Variants in DDX24 observed in about 807,000 individuals in gnomAD.
The protein encoded by DDX24 is ATP-dependent RNA helicase DDX24.
A neutral mutation model predicts 68.9 loss-of-function variants in DDX24; 24 were observed. That is an observed-to-expected ratio of 0.35 (90% CI 0.25 to 0.49). The LOEUF is 0.49. Ranked by LOEUF, DDX24 falls within the 20% of genes least tolerant of loss-of-function variation. The pLI, the probability that DDX24 is intolerant of heterozygous loss-of-function variation, is 0.99. For missense variants in DDX24, 989 were observed against 1,039.0 expected, an observed-to-expected ratio of 0.95 and a Z score of 0.66; for synonymous variants, 395 against 385.2, an observed-to-expected ratio of 1.03 and a Z score of -0.30.
intron 2 of DDX24, among the ~76,000 whole-genome samples, chr14:94,069,407 G>A (rs10145229): frequency 0.021 from 3,232 of 152,208 alleles, 107 homozygotes; most frequent in African/African-American, 0.074. Flanking sequence ...AGAACCAGAC[G>A]GATTTGCAAC....
intron 2 of DDX24, among the ~76,000 whole-genome samples, chr14:94,069,358 T>G (rs1006447616): frequency 1.6e-4 from 25 of 152,034 alleles, no homozygotes; most frequent in African/African-American, 5.8e-4. Flanking sequence ...GCAGCAAGAT[T>G]GAAATGGTAA....
chr14:94,072,525 C>T (rs1319004538), intron 2 of DDX24, among the ~76,000 whole-genome samples: 1 of 152,118 alleles, frequency 6.6e-6, no homozygotes, highest in Non-Finnish European at 1.5e-5. Flanking sequence ...GATAGGTGCA[C>T]CAAAATCTCA....
chr14:94,062,563 C>T lies in DDX24; in HGVS notation c.777G>A (p.Gln259=), dbSNP rs772513222. 5 of 1,614,052 alleles carry T rather than the reference C, an allele frequency of 3.1e-6. No homozygotes were observed. In the South Asian group the frequency reaches 5.5e-5, roughly 18 times the overall value. Residue 259 remains glutamine (Q), a synonymous_variant, in exon 3 of 9, where the codon CAG becomes CAA. Transcript: ENST00000621632. The part of the protein sequence containing the change: ...IPMIHAVLQW[Q]KRNAAPPPSN... ...TTGGAGGAGGGGCAGCATTCCTCTT[C>T]TGCCACTGCAACACCGCATGAATCA...
chr14:94,078,175 G>A (rs1440603913), intron 2 of DDX24, among the ~76,000 whole-genome samples: 1 of 152,152 alleles, frequency 6.6e-6, no homozygotes, highest in Non-Finnish European at 1.5e-5. Context: ...ATATACAGGA[G>A]GATGTGCCTA....
At chr14:94,061,651 T>C (rs1055741477) in intron 3 of DDX24, among the ~76,000 whole-genome samples, 1 of 152,166 alleles carries the variant, frequency 6.6e-6, no homozygotes, top group Non-Finnish European at 1.5e-5. Flanking sequence ...CCTAATAGCT[T>C]AGAGCAGGGA....
chr14:94,060,023 T>G, intron 5 of DDX24, 75 bp downstream of exon 5: 1 of 1,497,738 alleles, frequency 6.7e-7, no homozygotes, highest in Admixed American at 2.2e-5. Context: ...TTTTCTACCA[T>G]TTCCCCACCA....
At chr14:94,065,906 G>T (rs754052691) in intron 2 of DDX24, among the ~76,000 whole-genome samples, 2 of 152,224 alleles carry the variant, frequency 1.3e-5, no homozygotes, top group Non-Finnish European at 2.9e-5. Flanking sequence ...TCCACTGGGA[G>T]GGTGGCCACA....
chr14:94,077,408 C>G (rs1267194153), intron 2 of DDX24, among the ~76,000 whole-genome samples: 1 of 152,202 alleles, frequency 6.6e-6, no homozygotes, highest in Admixed American at 6.5e-5. Context: ...TTTCTGCCTT[C>G]CACGGACTTA....
Position 94,054,982 on chromosome 14 carries a change from T to A in DDX24, c.2178+14A>T, listed in dbSNP as rs771096477. The A allele has an allele frequency of 1.1e-5, 17 of 1,612,608 alleles. No individual in the cohort carries two copies. The highest frequency in any genetic ancestry group is 1.4e-5 in the Non-Finnish European group (17 of 1,179,040). ...AATCCCTTCATTAGCACTGGGGTTT[T>A]AACTGCTTTCTACCTTGACCACATC... On this transcript the variant is annotated intron_variant, in intron 7 of 8. Coordinates refer to ENST00000621632, the MANE Select transcript of DDX24 (RefSeq NM_020414.4).
chr14:94,067,790 C>G (rs1213638986), intron 2 of DDX24, among the ~76,000 whole-genome samples: 1 of 147,094 alleles, frequency 6.8e-6, no homozygotes, highest in African/African-American at 2.5e-5. Flanking sequence ...AATGTAGAGA[C>G]AATTTGCCAT....
At chr14:94,055,315 G>C (rs1330295506) in intron 6 of DDX24, 131 bp from the exon 7 acceptor site, 1 of 854,818 alleles carries the variant, frequency 1.2e-6, no homozygotes, top group South Asian at 1.7e-5. Flanking sequence ...CAGCATTGTA[G>C]AGCAATCTAG....
At position 94,051,323 on chromosome 14, in the gene DDX24, C is replaced by T. The variant is rs749129149; in HGVS notation, c.2448G>A (p.Pro816=). ...TACTTGGGGCAGACACAAGCAGGGG[C>T]GGCTTGCCAGACTGAGTGGGATACT... ...KTKYPTQSGK[P]PLLVSAPSKS... The change falls in exon 9 of 9, where the codon CCG becomes CCA. Residue 816 remains proline (P), a synonymous_variant. Transcript: ENST00000621632. 34 of 1,613,126 alleles carry T rather than the reference C, an allele frequency of 2.1e-5. No homozygotes were observed. The highest frequency in any genetic ancestry group is 3.3e-5 in the Admixed American group (2 of 59,788).
At chr14:94,051,569 G>T in intron 8 of DDX24, 107 bp from the exon 9 acceptor site, 1 of 1,434,318 alleles carries the variant, frequency 7.0e-7, no homozygotes, top group South Asian at 1.5e-5. Flanking sequence ...ACTTTAGGGA[G>T]GCAGGGTTCA....
Position 94,049,941 on chromosome 14 carries a change from A to T in DDX24, c.*1250T>A, listed in dbSNP as rs146814506. The T allele has an allele frequency of 6.6e-6, 1 of 152,318 alleles. No individual in the cohort carries two copies. Among genetic ancestry groups the T allele is most frequent in the Non-Finnish European group, 1.5e-5 (1 of 68,030 alleles). The allele number at this position is 152,318 out of a possible 1,614,324, so 9.4% of individuals were successfully genotyped here. ...CTCAGGACCTTCAAGACTAAATGCTAATTAGATAAAAGTGCCAACCATGAG... is the reference window on the plus strand; with the variant it reads ...CTCAGGACCTTCAAGACTAAATGCTTATTAGATAAAAGTGCCAACCATGAG... On this transcript the variant is annotated 3_prime_UTR_variant, in exon 9 of 9. Coordinates refer to ENST00000621632, the MANE Select transcript of DDX24 (RefSeq NM_020414.4).
intron 5 of DDX24, among the ~76,000 whole-genome samples, chr14:94,058,516 C>G (rs1017400461): frequency 2.0e-5 from 3 of 152,182 alleles, no homozygotes; most frequent in African/African-American, 2.4e-5. Flanking sequence ...TCTCCCTCTA[C>G]TAGAATGTAA....
rs754617005 is a variant in DDX24 at position 94,062,630 on chromosome 14, T to G, written c.719-9A>C. The G allele has an allele frequency of 6.4e-7, 1 of 1,571,546 alleles. No individual in the cohort carries two copies. Among genetic ancestry groups the G allele is most frequent in the Middle Eastern group, 1.7e-4 (1 of 5,722 alleles). On this transcript the variant is annotated splice_polypyrimidine_tract_variant and intron_variant, in intron 2 of 8. Coordinates refer to ENST00000621632, the MANE Select transcript of DDX24 (RefSeq NM_020414.4). ...AAGAGTTTTCCCACTTCCTTAAAAG[T>G]AAAAAAACAAAACAAAGTAAAAACA...
chr14:94,062,422 A>C lies in DDX24; in HGVS notation c.918T>G (p.Ser306Arg), dbSNP rs781092629. 2 of 1,613,872 alleles carry C rather than the reference A, an allele frequency of 1.2e-6. No individual in the cohort carries two copies. The highest frequency in any genetic ancestry group is 3.3e-5 in the Admixed American group (2 of 59,982). ...DALPDDTVIESEALPSDIAAE... is the reference protein window; with the variant it reads ...DALPDDTVIEREALPSDIAAE... ...CTGCAATATCACTGGGCAGTGCTTC[A>C]CTCTCAATTACAGTATCGTCAGGCA... is the stretch of plus-strand genomic sequence containing the variant. The change falls in exon 3 of 9, where the codon AGT becomes AGG. Residue 306 changes from serine (S) to arginine (R), a missense_variant. By Grantham distance (110) the Ser-to-Arg change is moderately radical. Transcript: ENST00000621632.
Position 94,055,065 on chromosome 14 carries a change from G to A in DDX24, c.2109C>T (p.Tyr703=). 6.2e-7 allele frequency: 1 copy of A among 1,614,186 alleles called. No homozygotes were observed. The highest frequency in any genetic ancestry group is 8.5e-7 in the Non-Finnish European group (1 of 1,180,030). ...PEDVINFKKI[Y]KTLKKDEDIP... ...TATCCTCATCTTTCTTGAGCGTTTT[G>A]TAAATCTTCTTAAAGTTGATCACAT... The change falls in exon 7 of 9, where the codon TAC becomes TAT. Residue 703 remains tyrosine, a synonymous_variant. Transcript: ENST00000621632.
chr14:94,053,130 G>T lies in DDX24; in HGVS notation c.2179-3C>A, dbSNP rs551914114. The T allele has an allele frequency of 7.4e-6, 12 of 1,613,708 alleles. No homozygotes were observed. The highest frequency in any genetic ancestry group is 1.6e-4 in the Middle Eastern group (1 of 6,084). ...TGTCGAGCTAAACGGATTCGCTCCT[G>T]GGGGGAAGTAACAGAAAATATTCAT... is the stretch of plus-strand genomic sequence containing the variant. On this transcript the variant is annotated splice_region_variant and splice_polypyrimidine_tract_variant and intron_variant, in intron 7 of 8. Coordinates refer to ENST00000621632, the MANE Select transcript of DDX24 (RefSeq NM_020414.4).
Sources: allele counts gnomAD v4.1 joint callset (sites outside exome capture counted in the v4.1 genomes callset), GRCh38; gene constraint gnomAD v4.1.1; transcripts MANE v1.5; gene names NCBI Gene and HGNC (gene_info 2026-07-23, HGNC 2026-07-21).